EOGT: variants seen among roughly 807,000 people sequenced by gnomAD.
EOGT encodes the protein EGF domain-specific O-linked N-acetylglucosamine transferase.
A neutral mutation model predicts 70.5 loss-of-function variants in EOGT; 55 were observed. The observed-to-expected ratio is 0.78, with a 90% CI of 0.63 to 0.98. The LOEUF (loss-of-function observed/expected upper bound fraction) is 0.98, where lower values mean the gene tolerates loss of function less well. Among genes scored for constraint, EOGT ranks in the 50% least tolerant of loss-of-function variants. The pLI, the probability that EOGT is intolerant of heterozygous loss-of-function variation, is 0.00. For synonymous variants in EOGT, 246 were observed against 217.1 expected (o/e 1.13, Z -1.17); for missense variants, 703 against 641.9 (o/e 1.10, Z -1.03).
intron 14 of EOGT, among the ~76,000 whole-genome samples, chr3:68,986,808 C>A (rs1232973174): frequency 6.6e-6 from 1 of 152,206 alleles, no homozygotes; most frequent in Non-Finnish European, 1.5e-5. Context: ...GGTCAGGCAC[C>A]TTCCCCGTCT....
chr3:68,994,828 A>G (rs542549412), intron 10 of EOGT, among the ~76,000 whole-genome samples: 1 of 152,258 alleles, frequency 6.6e-6, no homozygotes, highest in South Asian at 2.1e-4. Flanking sequence ...AAGCTATACT[A>G]CTTCTCAGCA....
intron 5 of EOGT, 139 bp from the exon 6 acceptor site, chr3:69,007,960 C>T: frequency 1.8e-6 from 1 of 565,856 alleles, no homozygotes; most frequent in South Asian, 2.5e-5. Flanking sequence ...TTTTCCAAAA[C>T]TACGCCTCAC....
intron 10 of EOGT, among the ~76,000 whole-genome samples, chr3:68,995,480 C>T (rs1026082809): frequency 6.6e-6 from 1 of 152,172 alleles, no homozygotes; most frequent in Non-Finnish European, 1.5e-5. Context: ...TGTGCCAGAG[C>T]TGAGGTCAGA....
At chr3:68,988,651 G>A (rs2090889864) in intron 11 of EOGT, 74 bp from the exon 12 acceptor site, 1 of 892,122 alleles carries the variant, frequency 1.1e-6, no homozygotes, top group Admixed American at 2.7e-5. Context: ...ATAATTTTGA[G>A]AAATAGATTT....
chr3:69,006,985 AAAG>A (rs2091451961), intron 6 of EOGT, among the ~76,000 whole-genome samples: 1 of 152,240 alleles, frequency 6.6e-6, no homozygotes, highest in Non-Finnish European at 1.5e-5. Context: ...AACACACAGA[AAAG>A]CTTTCTGCAA....
chr3:68,978,303 A>C (rs1455310688), intron 17 of EOGT, 30 bp downstream of exon 17: 1 of 1,507,848 alleles, frequency 6.6e-7, no homozygotes, highest in East Asian at 2.3e-5. Context: ...TTAAAAATGA[A>C]GCAAGGTAAG....
chr3:68,979,736 A>C lies in EOGT; in HGVS notation c.1266T>G (p.Phe422Leu), dbSNP rs772365094. ...QLRITHNTDI[F>L]IGMHGAGLTH... The stretch of plus-strand genomic sequence containing the variant: ...TCAGACCAGCTCCATGCATTCCAAT[A>C]AATATGTCCGTGTTGTGTGTGATCC... The change falls in exon 16 of 18, where the codon TTT (phenylalanine) becomes TTG (leucine). Residue 422 changes from phenylalanine to leucine, a missense_variant. By Grantham distance (22) the Phe-to-Leu change is conservative. Transcript: ENST00000383701. 1.9e-6 allele frequency: 3 copies of C among 1,613,688 alleles called. No individual in the cohort carries two copies. The highest frequency in any genetic ancestry group is 2.5e-6 in the Non-Finnish European group (3 of 1,179,646).
chr3:69,003,371 A>G (rs1377951062), intron 8 of EOGT, among the ~76,000 whole-genome samples: 1 of 152,128 alleles, frequency 6.6e-6, no homozygotes, highest in Non-Finnish European at 1.5e-5. Flanking sequence ...AGCTCCCATC[A>G]TGGGAGGCAC....
chr3:68,990,348 C>CTTTTTT (rs56046605), intron 10 of EOGT, among the ~76,000 whole-genome samples: 5 of 107,890 alleles, frequency 4.6e-5, no homozygotes, highest in Non-Finnish European at 7.3e-5. Flanking sequence ...TTACCACATG[C>CTTTTTT]TTTTTTTTTT....
rs1031822207 is a variant in EOGT at position 68,977,713 on chromosome 3, C to T, written c.1489G>A (p.Asp497Asn). The T allele has an allele frequency of 1.4e-5, 23 of 1,613,688 alleles. No individual in the cohort carries two copies. Among genetic ancestry groups the T allele is most frequent in the South Asian group, 3.3e-5 (3 of 90,998 alleles). ...ACAAGATACATAAATTCTTCTACAT[C>T]GAAAGAGTAGTTGGTGAACTTCGGG... ...EHPKFTNYSF[D>N]VEEFMYLVLQ... The change falls in exon 18 of 18, where the codon GAT becomes AAT. Residue 497 changes from aspartate (D) to asparagine (N), a missense_variant. Coordinates refer to ENST00000383701, the MANE Select transcript of EOGT (RefSeq NM_001278689.2).
chr3:69,007,970 C>A, intron 5 of EOGT, 149 bp from the exon 6 acceptor site: 2 of 561,696 alleles, frequency 3.6e-6, no homozygotes, highest in East Asian at 6.4e-5. Flanking sequence ...CTACGCCTCA[C>A]TACATGAAGT....
At chr3:69,004,558 G>A in intron 7 of EOGT, 76 bp from the exon 8 acceptor site, 3 of 908,188 alleles carry the variant, frequency 3.3e-6, no homozygotes, top group East Asian at 2.4e-5. Flanking sequence ...TAACTAAAGT[G>A]GATTACCAAT....
At chr3:69,004,940 G>A (rs899172079) in intron 7 of EOGT, among the ~76,000 whole-genome samples, 200 bp downstream of exon 7, 1 of 151,630 alleles carries the variant, frequency 6.6e-6, no homozygotes, top group Non-Finnish European at 1.5e-5. Flanking sequence ...GTGCGCTTCT[G>A]TATCCCAGCT....
intron 4 of EOGT, 53 bp from the exon 5 acceptor site, chr3:69,008,581 T>G: frequency 1.5e-6 from 2 of 1,296,908 alleles, no homozygotes; most frequent in South Asian, 1.2e-5. Context: ...TAGAGAAGAC[T>G]CTTAGATTTT....
chr3:69,004,449 A>G lies in EOGT; in HGVS notation c.549T>C (p.Ile183=). The part of the protein sequence containing the change: ...FKEDFFQSGE[I]GGHCKLDIRT... Reference sequence around the variant, plus strand: ...GGATGTCAAGTTTACAGTGCCCTCCAATTTCACCACTCTGGAAAAAGTCCT... The same window carrying G: ...GGATGTCAAGTTTACAGTGCCCTCCGATTTCACCACTCTGGAAAAAGTCCT... The change falls in exon 8 of 18, where the codon ATT becomes ATC. Residue 183 remains isoleucine, a synonymous_variant. Transcript: ENST00000383701. The G allele has an allele frequency of 6.2e-7, 1 of 1,614,076 alleles. No individual in the cohort carries two copies.
chr3:69,000,959 T>C (rs1575762794), intron 9 of EOGT, among the ~76,000 whole-genome samples: 1 of 145,464 alleles, frequency 6.9e-6, no homozygotes, highest in Admixed American at 6.9e-5. Flanking sequence ...GGCTTTTGAT[T>C]TTTTTTTTTT....
In EOGT at chr3:69,009,799, C is replaced by G. The variant is rs2091528208; in HGVS notation, c.48G>C (p.Leu16=). The G allele has an allele frequency of 6.2e-7, 1 of 1,613,992 alleles. No homozygotes were observed. Among genetic ancestry groups the G allele is most frequent in the Non-Finnish European group, 8.5e-7 (1 of 1,179,998 alleles). ...VFGVLLHEVS[L]SGQNEAPPNT... is the part of the protein sequence containing the mutation. ...TAGGAGGAGCTTCATTCTGACCACT[C>G]AGTGAGACTTCATGAAGTAAGACTC... Residue 16 remains leucine (L), a synonymous_variant, in exon 4 of 18, where the codon CTG becomes CTC. Transcript: ENST00000383701.
At chr3:68,993,397 C>A (rs1457468250) in intron 10 of EOGT, among the ~76,000 whole-genome samples, 1 of 152,154 alleles carries the variant, frequency 6.6e-6, no homozygotes, top group Non-Finnish European at 1.5e-5. Flanking sequence ...ACTCTCTTTG[C>A]TAAAACATAA....
intron 4 of EOGT, 142 bp from the exon 5 acceptor site, chr3:69,008,670 C>A: frequency 1.6e-6 from 1 of 638,802 alleles, no homozygotes. Context: ...AAATTTAAAA[C>A]TTACAGTTAA....
Sources: gnomAD v4.1 joint callset for allele counts (sites outside exome capture counted in the v4.1 genomes callset) on GRCh38, gnomAD v4.1.1 for gene constraint, MANE v1.5 for transcripts, NCBI Gene and HGNC (gene_info 2026-07-23, HGNC 2026-07-21) for gene names.